The following GLI3 variants were observed in gnomAD, a reference collection of about 807,000 sequenced individuals.
GLI3 encodes transcription activator GLI3.
In GLI3, 20 loss-of-function variants were observed where a neutral mutation model predicts 100.8. That is an observed-to-expected ratio of 0.20 (90% CI 0.14 to 0.29). The LOEUF (loss-of-function observed/expected upper bound fraction) is 0.29, where lower values mean the gene tolerates loss of function less well. Ranked by LOEUF, GLI3 falls within the 10% of genes least tolerant of loss-of-function variation. The pLI is 1.00. For synonymous variants in GLI3, 938 were observed against 860.5 expected, an observed-to-expected ratio of 1.09 and a Z score of -1.58; for missense variants, 2,040 against 2,128.5, an observed-to-expected ratio of 0.96 and a Z score of 0.82.
At chr7:42,093,177 C>G (rs1439935696) in intron 3 of GLI3, among the ~76,000 whole-genome samples, 1 of 151,760 alleles carries the variant, frequency 6.6e-6, no homozygotes, top group African/African-American at 2.4e-5. Context: ...GTCAGGAGTT[C>G]GAGACCAGCC....
At chr7:42,053,780 T>C (rs774090992) in intron 4 of GLI3, among the ~76,000 whole-genome samples, 2 of 152,140 alleles carry the variant, frequency 1.3e-5, no homozygotes, top group Non-Finnish European at 2.9e-5. Context: ...AACACTGAAA[T>C]TCAGAACTGG....
intron 9 of GLI3, among the ~76,000 whole-genome samples, chr7:42,024,248 C>G (rs1789034905): frequency 6.6e-6 from 1 of 152,220 alleles, no homozygotes; most frequent in African/African-American, 2.4e-5. Context: ...GGGGCACAGT[C>G]CTTCCTAAAC....
chr7:42,004,506 G>A (rs978772231), intron 10 of GLI3, among the ~76,000 whole-genome samples: 6 of 152,016 alleles, frequency 3.9e-5, no homozygotes, highest in African/African-American at 7.2e-5. Context: ...CAATGACCAG[G>A]AAAGGAAAAA....
chr7:41,994,791 T>A (rs915808180), intron 10 of GLI3, among the ~76,000 whole-genome samples: 1 of 152,230 alleles, frequency 6.6e-6, no homozygotes, highest in Admixed American at 6.5e-5. Context: ...TATAAGCAGA[T>A]TTTCTTGGGA....
chr7:41,991,629 CATTT>C (rs1787990373), intron 10 of GLI3, among the ~76,000 whole-genome samples: 1 of 152,176 alleles, frequency 6.6e-6, no homozygotes, highest in African/African-American at 2.4e-5. Context: ...GGGATTCATT[CATTT>C]GTGTGCCATG....
At chr7:42,212,502 G>C (rs928614239) in intron 2 of GLI3, among the ~76,000 whole-genome samples, 2 of 152,138 alleles carry the variant, frequency 1.3e-5, no homozygotes, top group African/African-American at 4.8e-5. Context: ...ATATTTAAAA[G>C]GGAAAGGTTG....
intron 10 of GLI3, among the ~76,000 whole-genome samples, chr7:41,980,930 T>C (rs982076482): frequency 3.3e-5 from 5 of 152,336 alleles, no homozygotes; most frequent in African/African-American, 7.2e-5. Context: ...ACAGTTGTGA[T>C]AGGCATTATG....
At chr7:42,225,913 G>A (rs1267065495) in intron 1 of GLI3, among the ~76,000 whole-genome samples, 2 of 152,168 alleles carry the variant, frequency 1.3e-5, no homozygotes, top group Admixed American at 1.3e-4. Context: ...CCAGCACTTA[G>A]TTCACGTAAG....
At chr7:42,005,971 TGATGTTACAACTCTTA>T (rs1295276331) in intron 10 of GLI3, among the ~76,000 whole-genome samples, 1 of 152,176 alleles carries the variant, frequency 6.6e-6, no homozygotes, top group Non-Finnish European at 1.5e-5. Context: ...ATAAGCGAAA[TGATGTTACAACTCTTA>T]GAACCAACCA....
intron 3 of GLI3, among the ~76,000 whole-genome samples, chr7:42,097,988 C>A (rs1306325127): frequency 6.6e-6 from 1 of 152,184 alleles, no homozygotes; most frequent in Non-Finnish European, 1.5e-5. Context: ...ATGATATTAT[C>A]TCCTCTTTGC....
chr7:42,255,706 C>T (rs1340122371), intron 1 of GLI3, among the ~76,000 whole-genome samples: 1 of 152,150 alleles, frequency 6.6e-6, no homozygotes, highest in Non-Finnish European at 1.5e-5. Flanking sequence ...TTTACCTACT[C>T]ATCAATTGAT....
intron 3 of GLI3, among the ~76,000 whole-genome samples, chr7:42,117,489 A>G (rs1785889096): frequency 1.3e-5 from 2 of 152,212 alleles, no homozygotes; most frequent in African/African-American, 4.8e-5. Context: ...ACTCAGTTTT[A>G]AGAAAAATGA....
In GLI3 at chr7:42,026,234, C is replaced by A. The variant is rs201070431; in HGVS notation, c.1207G>T (p.Val403Phe). The change falls in exon 8 of 15, where the codon GTC becomes TTC. Residue 403 changes from valine (V) to phenylalanine (F), a missense_variant. Coordinates refer to ENST00000395925, the MANE Select transcript of GLI3 (RefSeq NM_000168.6). Reference sequence around the variant, plus strand: ...TCAGAAGGGCCGGAGCTGACCTGGACGGGGTTCAGAACCGTAGGGATCCCT... The same window carrying A: ...TCAGAAGGGCCGGAGCTGACCTGGAAGGGGTTCAGAACCGTAGGGATCCCT... ...IPGIPTVLNP[V>F]QVSSGPSESS... 3.1e-6 allele frequency: 5 copies of A among 1,613,604 alleles called. No homozygotes were observed. The East Asian group carries it at 8.9e-5, about 29-fold the overall frequency.
At chr7:42,166,197 C>A (rs867539796) in intron 2 of GLI3, among the ~76,000 whole-genome samples, 1 of 152,230 alleles carries the variant, frequency 6.6e-6, no homozygotes, top group South Asian at 2.1e-4. Flanking sequence ...CAGAGCATTT[C>A]TTACCTTGTT....
At chr7:42,045,602 A>C (rs1784230733) in intron 5 of GLI3, 72 bp from the exon 6 acceptor site, 2 of 1,404,468 alleles carry the variant, frequency 1.4e-6, no homozygotes, top group African/African-American at 2.8e-5. Context: ...GAGGCATCTC[A>C]GAGTCCATTA....
intron 10 of GLI3, among the ~76,000 whole-genome samples, chr7:41,988,463 CA>C (rs202237818): frequency 0.05 from 2,172 of 43,072 alleles, 36 homozygotes; most frequent in Middle Eastern, 0.083. Flanking sequence ...AACTCCATCT[CA>C]AAAAAAAAAA....
intron 1 of GLI3, among the ~76,000 whole-genome samples, chr7:42,224,961 T>A (rs1391386075): frequency 3.3e-5 from 5 of 152,170 alleles, no homozygotes; most frequent in African/African-American, 9.7e-5. Context: ...CCCCAGAAAA[T>A]ACCCTTAAAC....
Position 41,965,068 on chromosome 7 carries a change from C to G in GLI3, c.4005G>C (p.Pro1335=). The G allele has an allele frequency of 3.7e-6, 6 of 1,613,844 alleles. No individual in the cohort carries two copies. The highest frequency in any genetic ancestry group is 5.1e-6 in the Non-Finnish European group (6 of 1,180,014). Residue 1335 remains proline, a synonymous_variant, in exon 15 of 15, where the codon CCG becomes CCC. Transcript: ENST00000395925. ...TCTGCTGACCGGGGCGGCCTGCCCC[C>G]GGGTGCTGCATGCTGTCGCCGAGGA... The part of the protein sequence containing the change: ...HQLLGDSMQH[P]GAGRPGQQML...
At chr7:41,999,822 C>T (rs1234113067) in intron 10 of GLI3, among the ~76,000 whole-genome samples, 3 of 152,130 alleles carry the variant, frequency 2.0e-5, no homozygotes, top group Non-Finnish European at 4.4e-5. Flanking sequence ...ATTCTCTGCC[C>T]ATGAAGCACA....
Sources: allele counts gnomAD v4.1 joint callset (sites outside exome capture counted in the v4.1 genomes callset), GRCh38; gene constraint gnomAD v4.1.1; transcripts MANE v1.5; gene names NCBI Gene and HGNC (gene_info 2026-07-23, HGNC 2026-07-21).